The following SCNN1B variants were observed in gnomAD, a reference collection of about 807,000 sequenced individuals.
The protein encoded by SCNN1B is epithelial sodium channel subunit beta.
Under a neutral mutation model 65.3 loss-of-function variants are expected in SCNN1B, and 46 were observed. The ratio of observed to expected loss-of-function variants is 0.70; its 90% CI spans 0.56 to 0.90. SCNN1B has a LOEUF of 0.90. SCNN1B is among the 40% of genes least tolerant of loss of function. The pLI, the probability that SCNN1B is intolerant of heterozygous loss-of-function variation, is 0.00. For synonymous variants in SCNN1B, 349 were observed against 330.6 expected, an observed-to-expected ratio of 1.06 and a Z score of -0.60; for missense variants, 751 against 830.5, an observed-to-expected ratio of 0.90 and a Z score of 1.18.
chr16:23,326,842 G>T (rs180832099), intron 1 of SCNN1B, among the ~76,000 whole-genome samples: 1 of 152,110 alleles, frequency 6.6e-6, no homozygotes, highest in Non-Finnish European at 1.5e-5. Context: ...TAGTGGTGAC[G>T]TCTGGGTTTT....
At chr16:23,356,960 C>A (rs923894408) in intron 4 of SCNN1B, among the ~76,000 whole-genome samples, 2 of 152,236 alleles carry the variant, frequency 1.3e-5, no homozygotes, top group Non-Finnish European at 2.9e-5. Context: ...TGGGCAGGAA[C>A]ACTGCTGAGG....
At chr16:23,330,248 C>T (rs187274028) in intron 1 of SCNN1B, among the ~76,000 whole-genome samples, 6 of 152,278 alleles carry the variant, frequency 3.9e-5, no homozygotes, top group African/African-American at 7.2e-5. Flanking sequence ...AGCTCTTGTC[C>T]GGCATCCTCC....
intron 2 of SCNN1B, among the ~76,000 whole-genome samples, chr16:23,285,614 A>C (rs1210395571): frequency 6.6e-6 from 1 of 152,162 alleles, no homozygotes; most frequent in East Asian, 1.9e-4. Flanking sequence ...GCAAGACTCT[A>C]TCTGTACAGA....
chr16:23,345,568 C>T (rs574745832), intron 1 of SCNN1B, among the ~76,000 whole-genome samples: 16 of 152,252 alleles, frequency 1.1e-4, no homozygotes, highest in South Asian at 6.2e-4. Flanking sequence ...TGCCAAATAC[C>T]ACCAGCTTAG....
rs61759921 is a variant in SCNN1B, at chr16:23,371,460, G to A, written c.1042G>A (p.Val348Met). The change falls in exon 6 of 13, where the codon GTG becomes ATG. Residue 348 changes from valine to methionine, a missense_variant and splice_region_variant. By Grantham distance (21) the Val-to-Met change is conservative. Transcript: ENST00000343070. Reference protein sequence around the residue: ...SGTETSIGVLVDKLQRMGEPY... With the variant: ...SGTETSIGVLMDKLQRMGEPY... Reference sequence around the variant, plus strand: ...GACAGAGACGTCCATCGGGGTACTCGTGGTATGGCCGGAGCCCAAGGGCAG... The same window carrying A: ...GACAGAGACGTCCATCGGGGTACTCATGGTATGGCCGGAGCCCAAGGGCAG... 4.5e-5 allele frequency: 73 copies of A among 1,613,518 alleles called. No individual in the cohort carries two copies. The highest frequency in any genetic ancestry group is 1.9e-4 in the South Asian group (17 of 91,034).
intron 1 of SCNN1B, among the ~76,000 whole-genome samples, chr16:23,314,949 G>A (rs923402048): frequency 1.3e-5 from 2 of 152,174 alleles, no homozygotes; most frequent in African/African-American, 2.4e-5. Flanking sequence ...GGTGGGGAAC[G>A]CGTGGCCCAG....
intron 1 of SCNN1B, among the ~76,000 whole-genome samples, chr16:23,307,869 G>A (rs2141982445): frequency 6.6e-6 from 1 of 151,988 alleles, no homozygotes; most frequent in African/African-American, 2.4e-5. Flanking sequence ...AAGCAACATA[G>A]CAAGACCCTA....
chr16:23,319,814 C>T (rs1363575384), intron 1 of SCNN1B, among the ~76,000 whole-genome samples: 2 of 152,144 alleles, frequency 1.3e-5, no homozygotes, highest in Non-Finnish European at 2.9e-5. Flanking sequence ...GTCGCCCAGG[C>T]TGGAGTGCAG....
Position 23,377,315 on chromosome 16 carries a change from G to A in SCNN1B, c.1347-14G>A. 1 of 1,614,170 alleles carries A rather than the reference G, an allele frequency of 6.2e-7. No individual in the cohort carries two copies. Among genetic ancestry groups the A allele is most frequent in the East Asian group, 2.2e-5 (1 of 44,876 alleles). On this transcript the variant is annotated splice_polypyrimidine_tract_variant and intron_variant, in intron 9 of 12. Transcript: ENST00000343070. Reference sequence around the variant, plus strand: ...ACTGGCAGGGACCACAACAGGCCTGGCCTTCTCTTTCAGTGACACCCAGTA... The same window carrying A: ...ACTGGCAGGGACCACAACAGGCCTGACCTTCTCTTTCAGTGACACCCAGTA...
In SCNN1B at chr16:23,328,753, G is replaced by A. The variant is rs756977042; in HGVS notation, c.-8-19839G>A. Reference sequence around the variant, plus strand: ...CCTCTGAATCGTGGGTGGTGGTTTCGCCACCCATGCTATACCTTGAGCGTT... The same window carrying A: ...CCTCTGAATCGTGGGTGGTGGTTTCACCACCCATGCTATACCTTGAGCGTT... On this transcript the variant is annotated intron_variant, in intron 1 of 12. Coordinates refer to ENST00000343070, the MANE Select transcript of SCNN1B (RefSeq NM_000336.3). 3.3e-5 allele frequency among the ~76,000 whole-genome samples: 5 copies of A among 152,238 alleles called. No individual in the cohort carries two copies. The South Asian group carries it at 6.2e-4, about 19-fold the overall frequency.
chr16:23,325,408 C>T (rs148940133), intron 1 of SCNN1B, among the ~76,000 whole-genome samples: 27 of 151,722 alleles, frequency 1.8e-4, no homozygotes, highest in Non-Finnish European at 3.4e-4. Flanking sequence ...TTGGGATTAC[C>T]TTCCTGCACC....
chr16:23,344,792 G>A (rs201257716), intron 1 of SCNN1B, among the ~76,000 whole-genome samples: 8 of 152,132 alleles, frequency 5.3e-5, no homozygotes, highest in Non-Finnish European at 1.5e-5. Context: ...CCAGGAGTTC[G>A]AGACAAGCCT....
At chr16:23,336,989 A>G (rs1961956393) in intron 1 of SCNN1B, among the ~76,000 whole-genome samples, 1 of 152,196 alleles carries the variant, frequency 6.6e-6, no homozygotes. Flanking sequence ...TTAGAGGGAA[A>G]TAACAAAATC....
Position 23,375,833 on chromosome 16 carries a change from C to A in SCNN1B, c.1248C>A (p.Asn416Lys), listed in dbSNP as rs750156692. The part of the protein sequence containing the change: ...YPLPRGEKYC[N>K]NRDFPDWAHC... ...TGCCCCGTGGGGAGAAATACTGCAA[C>A]AACCGGGACTTCCCAGACTGGGGTG... The change falls in exon 8 of 13, where the codon AAC (asparagine) becomes AAA (lysine). Residue 416 changes from asparagine to lysine, a missense_variant. Coordinates refer to ENST00000343070, the MANE Select transcript of SCNN1B (RefSeq NM_000336.3). 6.2e-7 allele frequency: 1 copy of A among 1,613,022 alleles called. No individual in the cohort carries two copies. Among genetic ancestry groups the A allele is most frequent in the South Asian group, 1.1e-5 (1 of 91,070 alleles).
chr16:23,347,234 A>C (rs1451942795), intron 1 of SCNN1B, among the ~76,000 whole-genome samples: 1 of 151,880 alleles, frequency 6.6e-6, no homozygotes, highest in Non-Finnish European at 1.5e-5. Context: ...TTTTTGATGG[A>C]TTCTTCGCTT....
chr16:23,368,071 A>C, intron 5 of SCNN1B, 112 bp downstream of exon 5: 1 of 889,248 alleles, frequency 1.1e-6, no homozygotes, highest in South Asian at 1.3e-5. Flanking sequence ...GGACCAAGGC[A>C]TCAAGAGGAG....
intron 1 of SCNN1B, among the ~76,000 whole-genome samples, chr16:23,339,269 T>C (rs1011309015): frequency 6.6e-6 from 1 of 152,174 alleles, no homozygotes; most frequent in Non-Finnish European, 1.5e-5. Flanking sequence ...TTTCTTCCCC[T>C]GTTGGTGGAC....
At chr16:23,363,801 G>A (rs1962597769) in intron 4 of SCNN1B, among the ~76,000 whole-genome samples, 1 of 148,768 alleles carries the variant, frequency 6.7e-6, no homozygotes, top group African/African-American at 2.5e-5. Flanking sequence ...GCAACAGAGT[G>A]ACACCCTGTC....
At chr16:23,344,712 G>A (rs1046581457) in intron 1 of SCNN1B, among the ~76,000 whole-genome samples, 7 of 152,164 alleles carry the variant, frequency 4.6e-5, no homozygotes, top group African/African-American at 1.7e-4. Flanking sequence ...TGGAGTTGGA[G>A]GTGGGGTGCA....
Sources: allele counts gnomAD v4.1 joint callset (sites outside exome capture counted in the v4.1 genomes callset), GRCh38; gene constraint gnomAD v4.1.1; transcripts MANE v1.5; gene names NCBI Gene and HGNC (gene_info 2026-07-23, HGNC 2026-07-21).